The following TAF4 variants were observed in gnomAD, a reference collection of about 807,000 sequenced individuals.
TAF4 encodes transcription initiation factor TFIID subunit 4.
A neutral mutation model predicts 90.3 loss-of-function variants in TAF4; 9 were observed. The ratio of observed to expected loss-of-function variants is 0.10; its 90% CI spans 0.06 to 0.17. The LOEUF is 0.17. Ranked by LOEUF, TAF4 falls within the 10% of genes least tolerant of loss-of-function variation. The pLI, the probability that TAF4 is intolerant of heterozygous loss-of-function variation, is 1.00. For synonymous variants in TAF4, 818 were observed against 638.9 expected (o/e 1.28, Z -4.23); for missense variants, 1,351 against 1,370.7 (o/e 0.99, Z 0.23).
intron 1 of TAF4, among the ~76,000 whole-genome samples, chr20:62,044,490 C>A (rs898622114): frequency 6.6e-6 from 1 of 152,020 alleles, no homozygotes; most frequent in African/African-American, 2.4e-5. Flanking sequence ...GGTAACATAA[C>A]CAACACAAAA....
chr20:61,977,258 ACCGC>A (rs2123084705), intron 14 of TAF4, among the ~76,000 whole-genome samples: 1 of 151,652 alleles, frequency 6.6e-6, no homozygotes, highest in East Asian at 1.9e-4. Context: ...CACACACGAC[ACCGC>A]CCAGCGGGGC....
At position 62,009,159 on chromosome 20, in the gene TAF4, C is replaced by T; in HGVS notation, c.1777G>A (p.Val593Met). The change falls in exon 5 of 15, where the codon GTG (valine) becomes ATG (methionine). Residue 593 changes from valine to methionine, a missense_variant. Physicochemically the swap from Val to Met is conservative, Grantham distance 21. Around this residue, in one of 9 missense-constraint regions of TAF4, gnomAD observed 44 missense variants for 97.4 expected, o/e 0.45. Transcript: ENST00000252996. ...SSAATETMEN[V>M]KKCKNFLSTL... ...GATAGGAAATTTTTACATTTCTTCA[C>T]GTTTTCCATAGTTTCCTGGATTAAA... The T allele has an allele frequency of 6.2e-7, 1 of 1,609,244 alleles. No homozygotes were observed. The highest frequency in any genetic ancestry group is 8.5e-7 in the Non-Finnish European group (1 of 1,178,494).
At chr20:62,024,657 T>A (rs1332605903) in intron 1 of TAF4, among the ~76,000 whole-genome samples, 6 of 152,042 alleles carry the variant, frequency 3.9e-5, no homozygotes, top group Non-Finnish European at 8.8e-5. Context: ...TCACTTGAGG[T>A]CAGGAGTTCG....
intron 1 of TAF4, among the ~76,000 whole-genome samples, chr20:62,047,458 G>A (rs1366237027): frequency 1.3e-5 from 2 of 152,172 alleles, no homozygotes; most frequent in Non-Finnish European, 2.9e-5. Context: ...TCCTTTAGAA[G>A]GAAGAGATCA....
At chr20:62,035,145 G>C (rs2055925622) in intron 1 of TAF4, among the ~76,000 whole-genome samples, 1 of 152,132 alleles carries the variant, frequency 6.6e-6, no homozygotes, top group Non-Finnish European at 1.5e-5. Flanking sequence ...TCCCAAAATT[G>C]ACCCACAGAT....
At chr20:62,032,936 A>C (rs2055912318) in intron 1 of TAF4, among the ~76,000 whole-genome samples, 1 of 152,336 alleles carries the variant, frequency 6.6e-6, no homozygotes, top group South Asian at 2.1e-4. Flanking sequence ...AGAACCTGCC[A>C]CCAGCAGATC....
intron 1 of TAF4, among the ~76,000 whole-genome samples, chr20:62,028,086 C>A (rs2055884264): frequency 6.6e-6 from 1 of 152,230 alleles, no homozygotes; most frequent in African/African-American, 2.4e-5. Flanking sequence ...TCTGCTCCTG[C>A]AGCTGAGCCT....
chr20:61,983,419 G>C (rs1229429564), intron 14 of TAF4, among the ~76,000 whole-genome samples: 1 of 152,180 alleles, frequency 6.6e-6, no homozygotes, highest in South Asian at 2.1e-4. Context: ...GCTTTGAAAA[G>C]GGAGGCCAAG....
At chr20:61,998,264 CT>C (rs2055675906) in intron 12 of TAF4, 72 bp from the exon 13 acceptor site, 4 of 1,478,200 alleles carry the variant, frequency 2.7e-6, no homozygotes, top group Non-Finnish European at 3.7e-6. Context: ...AATGTGTTAT[CT>C]TATTTACTAT....
rs776805502 is a variant in TAF4 at position 62,007,552 on chromosome 20, G to A, written c.1969C>T (p.Leu657=). The A allele has an allele frequency of 2.5e-6, 4 of 1,613,818 alleles. No homozygotes were observed. The African/African-American group carries it at 5.3e-5, about 22-fold the overall frequency. The change falls in exon 6 of 15, where the codon CTG becomes TTG. Residue 657 remains leucine (L), a synonymous_variant. Transcript: ENST00000252996. ...ACCGGGGCCTTTGAAATTACCTTCA[G>A]GAAAGGCACAAGGTAAGGTTGAGGT... is the stretch of plus-strand genomic sequence containing the variant. ...SSPQPYLVPF[L]KRSLPALRQL... is the part of the protein sequence containing the mutation.
At chr20:62,049,802 G>A (rs1267234977) in intron 1 of TAF4, among the ~76,000 whole-genome samples, 3 of 152,146 alleles carry the variant, frequency 2.0e-5, no homozygotes, top group East Asian at 1.9e-4. Context: ...GTGGCCTTGA[G>A]CAGTTCATAG....
At chr20:62,044,441 G>C (rs2055981531) in intron 1 of TAF4, among the ~76,000 whole-genome samples, 1 of 152,046 alleles carries the variant, frequency 6.6e-6, no homozygotes. Flanking sequence ...AAGTAAAATT[G>C]AAAACAAACC....
chr20:62,024,730 C>T (rs922358021), intron 1 of TAF4, among the ~76,000 whole-genome samples: 1 of 152,076 alleles, frequency 6.6e-6, no homozygotes, highest in Non-Finnish European at 1.5e-5. Context: ...ATTAGCAGGG[C>T]GTGGTGGTGC....
intron 1 of TAF4, among the ~76,000 whole-genome samples, chr20:62,049,068 G>C (rs62204323): frequency 2.7e-5 from 3 of 110,614 alleles, no homozygotes; most frequent in East Asian, 4.6e-4. Flanking sequence ...TGACCACCTC[G>C]GTCACCAGGC....
intron 14 of TAF4, among the ~76,000 whole-genome samples, chr20:61,997,240 A>G (rs1467388755): frequency 6.6e-6 from 1 of 152,238 alleles, no homozygotes; most frequent in Non-Finnish European, 1.5e-5. Flanking sequence ...AAGCACAATC[A>G]GCAAGATCCC....
chr20:62,039,604 A>G (rs192829339), intron 1 of TAF4, among the ~76,000 whole-genome samples: 10 of 152,348 alleles, frequency 6.6e-5, no homozygotes, highest in African/African-American at 1.9e-4. Flanking sequence ...GATACACTGG[A>G]TTTATTTAAG....
At chr20:62,008,616 G>A (rs1240259363) in intron 5 of TAF4, among the ~76,000 whole-genome samples, 1 of 152,168 alleles carries the variant, frequency 6.6e-6, no homozygotes, top group Non-Finnish European at 1.5e-5. Context: ...TCCATGGGGA[G>A]GGGGCTTCTG....
At chr20:61,993,046 C>A (rs893961290) in intron 14 of TAF4, among the ~76,000 whole-genome samples, 3 of 152,210 alleles carry the variant, frequency 2.0e-5, no homozygotes, top group Non-Finnish European at 4.4e-5. Flanking sequence ...TGGAAGAAAA[C>A]ATGCTCGCGT....
chr20:61,988,472 G>A (rs1029806399), intron 14 of TAF4, among the ~76,000 whole-genome samples: 1 of 152,148 alleles, frequency 6.6e-6, no homozygotes, highest in African/African-American at 2.4e-5. Flanking sequence ...AACTGGGTGA[G>A]GGGTAGATGG....
Sources: allele counts gnomAD v4.1 joint callset (sites outside exome capture counted in the v4.1 genomes callset), GRCh38; gene constraint gnomAD v4.1.1; regional missense constraint gnomAD v4.1.1; transcripts MANE v1.5; gene names NCBI Gene and HGNC (gene_info 2026-07-23, HGNC 2026-07-21).